NLGN4Y: variants seen among roughly 807,000 people sequenced by gnomAD.
NLGN4Y encodes neuroligin 4 Y-linked.
Under a neutral mutation model 8.4 loss-of-function variants are expected in NLGN4Y, and 4 were observed. That is an observed-to-expected ratio of 0.48 (90% CI 0.23 to 1.09). The LOEUF is 1.09. Among genes scored for constraint, NLGN4Y ranks in the 50% least tolerant of loss-of-function variants. The pLI is 0.19. For synonymous variants in NLGN4Y, 35 were observed against 75.6 expected, an observed-to-expected ratio of 0.46 and a Z score of 2.78; for missense variants, 90 against 192.3, an observed-to-expected ratio of 0.47 and a Z score of 3.15.
chrY:14,794,421 G>T, intron 4 of NLGN4Y, among the ~76,000 whole-genome samples: 2 of 33,593 alleles, frequency 6.0e-5, no homozygotes, highest in African/African-American at 2.3e-4. Context: ...TTTTATAAAT[G>T]TCATTCTGTG....
At chrY:14,633,875 G>A in intron 2 of NLGN4Y, among the ~76,000 whole-genome samples, 1 of 33,411 alleles carries the variant, frequency 3.0e-5, no homozygotes, top group Non-Finnish European at 7.4e-5. Flanking sequence ...AGTAGTGGAA[G>A]CCCTTGTTGA....
intron 4 of NLGN4Y, among the ~76,000 whole-genome samples, chrY:14,764,822 A>G (rs2081089404): frequency 3.0e-5 from 1 of 33,518 alleles, no homozygotes. Context: ...TCCTCCTAAT[A>G]CCATCTCCTG....
At chrY:14,698,187 TGACTAATTATTA>T (rs2080838021) in intron 2 of NLGN4Y, among the ~76,000 whole-genome samples, 1 of 33,601 alleles carries the variant, frequency 3.0e-5, no homozygotes, top group Non-Finnish European at 7.4e-5. Context: ...CTTACTAAGA[TGACTAATTATTA>T]GTTGACATGT....
chrY:14,825,715 A>G (rs2043142920), intron 5 of NLGN4Y, among the ~76,000 whole-genome samples: 1 of 31,950 alleles, frequency 3.1e-5, no homozygotes, highest in Admixed American at 3.0e-4. Flanking sequence ...TCAGCATGAC[A>G]TCCTCTACTT....
intron 1 of NLGN4Y, among the ~76,000 whole-genome samples, chrY:14,556,641 A>G (rs751549181): frequency 4.2e-4 from 14 of 33,478 alleles, no homozygotes; most frequent in Non-Finnish European, 8.1e-4. Flanking sequence ...TCGTTGGCTC[A>G]TAGGCTCCTT....
At chrY:14,811,879 G>A in intron 4 of NLGN4Y, among the ~76,000 whole-genome samples, 1 of 33,560 alleles carries the variant, frequency 3.0e-5, no homozygotes, top group East Asian at 7.7e-4. Flanking sequence ...ACATGCAGAA[G>A]GAAAAACTGA....
At chrY:14,540,099 G>GGTGT (rs1410635547) in intron 1 of NLGN4Y, among the ~76,000 whole-genome samples, 2 of 14,432 alleles carry the variant, frequency 1.4e-4, no homozygotes, top group African/African-American at 2.9e-4. Flanking sequence ...ACTCCAGCTT[G>GGTGT]GTGTGTGTGT....
chrY:14,657,690 C>T, intron 2 of NLGN4Y, among the ~76,000 whole-genome samples: 2 of 18,513 alleles, frequency 1.1e-4, no homozygotes, highest in Admixed American at 4.1e-4. Context: ...GTGCAGCCCA[C>T]GCTTAAGAAA....
chrY:14,681,159 C>A (rs2080767938), intron 2 of NLGN4Y, among the ~76,000 whole-genome samples: 1 of 33,482 alleles, frequency 3.0e-5, no homozygotes, highest in Admixed American at 2.8e-4. Context: ...TATTTTCACA[C>A]TTTTATAAAG....
intron 4 of NLGN4Y, among the ~76,000 whole-genome samples, chrY:14,810,798 T>G (rs765816452): frequency 1.2e-4 from 4 of 32,968 alleles, no homozygotes; most frequent in South Asian, 1.4e-3. Context: ...ACCTACTTTA[T>G]GAAAATGATG....
chrY:14,579,689 G>A, intron 1 of NLGN4Y, among the ~76,000 whole-genome samples: 1 of 32,740 alleles, frequency 3.1e-5, no homozygotes, highest in Non-Finnish European at 7.5e-5. Context: ...TGCAGCCTGG[G>A]CAACAGAGCA....
At chrY:14,826,458 A>G (rs2043146935) in intron 5 of NLGN4Y, among the ~76,000 whole-genome samples, 31 of 29,364 alleles carry the variant, frequency 1.1e-3, no homozygotes, top group Admixed American at 0.01. Flanking sequence ...GTCCTGCGTC[A>G]GCTTCCCAAG....
intron 4 of NLGN4Y, among the ~76,000 whole-genome samples, chrY:14,799,660 A>G (rs2043024028): frequency 3.0e-5 from 1 of 33,281 alleles, no homozygotes. Flanking sequence ...ATTCCCACAG[A>G]CCTCATCAGT....
In NLGN4Y at chrY:14,829,797, G is replaced by A. The variant is rs2043166389; in HGVS notation, c.939G>A (p.Pro313=). ...CCAGCTGGGCAGTGAACTACCAGCC[G>A]GCCAAGTACACTCGGATATTGGCAG... is the stretch of plus-strand genomic sequence containing the variant. ...ALSSWAVNYQ[P]AKYTRILADK... is the part of the protein sequence containing the mutation. The change falls in exon 6 of 7, where the codon CCG becomes CCA. Residue 313 remains proline (P), a synonymous_variant. Transcript: ENST00000684976. The A allele has an allele frequency of 5.0e-6, 2 of 396,702 alleles. No homozygotes were observed. Among genetic ancestry groups the A allele is most frequent in the East Asian group, 9.3e-5 (1 of 10,750 alleles).
intron 5 of NLGN4Y, among the ~76,000 whole-genome samples, chrY:14,825,170 A>G (rs2043138935): frequency 1.5e-4 from 5 of 32,290 alleles, no homozygotes; most frequent in Non-Finnish European, 3.8e-4. Flanking sequence ...GATTCTACCC[A>G]TAGGAATAGT....
chrY:14,844,073 G>A lies in NLGN4Y; in HGVS notation c.*2811G>A. 1 of 109,136 alleles carries A rather than the reference G, an allele frequency of 9.2e-6. No homozygotes were observed. The highest frequency in any genetic ancestry group is 4.5e-5 in the South Asian group (1 of 22,375). 27.2% of individuals were successfully genotyped at this position (109,136 alleles called of 400,897 possible). A position where few individuals can be genotyped will look rare whatever the true frequency, so the allele number is the denominator to read the frequency against. ...ATGCTACATGGTAGCTCTCACATAG[G>A]CTACAAATGGATAAATACATTTGGT... On this transcript the variant is annotated 3_prime_UTR_variant, in exon 7 of 7. Transcript: ENST00000684976.
intron 1 of NLGN4Y, among the ~76,000 whole-genome samples, chrY:14,568,038 C>T (rs2080258648): frequency 3.5e-4 from 11 of 31,512 alleles, no homozygotes; most frequent in African/African-American, 1.4e-3. Context: ...TTGTTACATA[C>T]GTATACATGT....
At chrY:14,727,082 AAAAG>A (rs1360668478) in intron 4 of NLGN4Y, among the ~76,000 whole-genome samples, 2 of 33,431 alleles carry the variant, frequency 6.0e-5, no homozygotes, top group African/African-American at 1.2e-4. Context: ...CCAAAAAAAG[AAAAG>A]AAAGAAAGAA....
chrY:14,657,547 G>A, intron 2 of NLGN4Y, among the ~76,000 whole-genome samples: 1 of 33,120 alleles, frequency 3.0e-5, no homozygotes, highest in African/African-American at 1.2e-4. Context: ...GCACATACTA[G>A]CACCATGACA....
Sources: gnomAD v4.1 joint callset for allele counts (sites outside exome capture counted in the v4.1 genomes callset) on GRCh38, gnomAD v4.1.1 for gene constraint, MANE v1.5 for transcripts, NCBI Gene and HGNC (gene_info 2026-07-23, HGNC 2026-07-21) for gene names.